Variants in METTL21C observed in about 807,000 individuals in gnomAD.
METTL21C encodes protein-lysine methyltransferase METTL21C.
In METTL21C, 21 loss-of-function variants were observed where a neutral mutation model predicts 25.9. The ratio of observed to expected loss-of-function variants is 0.81; its 90% CI spans 0.58 to 1.17. The LOEUF (loss-of-function observed/expected upper bound fraction) is 1.17. Ranked by LOEUF, METTL21C falls within the 50% of genes most tolerant of loss-of-function variation. The probability of loss-of-function intolerance (pLI) is 0.00; values close to 1 mark genes in which losing one functional copy is unlikely to be tolerated. For missense variants in METTL21C, 312 were observed against 315.1 expected (o/e 0.99, Z 0.07); for synonymous variants, 125 against 124.7 (o/e 1.00, Z -0.01).
chr13:102,692,100 G>A (rs958997391), intron 1 of METTL21C, among the ~76,000 whole-genome samples: 2 of 152,132 alleles, frequency 1.3e-5, no homozygotes, highest in Non-Finnish European at 2.9e-5. Context: ...TGTGGCCTGG[G>A]ATATGACTGT....
the METTL21C span, among the ~76,000 whole-genome samples, chr13:102,701,909 G>A: frequency 0.25 from 38,293 of 151,996 alleles, 6,932 homozygotes; most frequent in African/African-American, 0.51. Context: ...CTCATGCTAT[G>A]ATTCCAGCAC....
chr13:102,696,629 A>G (rs1885950966), upstream of METTL21C, among the ~76,000 whole-genome samples: 1 of 152,188 alleles, frequency 6.6e-6, no homozygotes, highest in Non-Finnish European at 1.5e-5. Context: ...CTGGAGCTAG[A>G]CCACGGTAGA....
upstream of METTL21C, among the ~76,000 whole-genome samples, chr13:102,699,405 G>A (rs572641571): frequency 1.3e-5 from 2 of 152,202 alleles, no homozygotes; most frequent in African/African-American, 4.8e-5. Context: ...TAACTTGATT[G>A]GCTGTTTCAC....
the METTL21C span, among the ~76,000 whole-genome samples, chr13:102,702,535 T>C: frequency 6.6e-6 from 1 of 152,214 alleles, no homozygotes; most frequent in Non-Finnish European, 1.5e-5. Context: ...ACAAACTATT[T>C]GGAACTAATG....
At chr13:102,693,378 C>T (rs1885876716) in intron 1 of METTL21C, among the ~76,000 whole-genome samples, 1 of 152,220 alleles carries the variant, frequency 6.6e-6, no homozygotes, top group East Asian at 1.9e-4. Flanking sequence ...CCGTCGCCAG[C>T]ACACCACTGG....
rs1885816328 is a variant in METTL21C at position 102,690,980 on chromosome 13, A to G, written c.131-16T>C. The G allele has an allele frequency of 1.2e-6, 2 of 1,612,942 alleles. No individual in the cohort carries two copies. The highest frequency in any genetic ancestry group is 4.5e-5 in the East Asian group (2 of 44,876). ...TTGTTGGATTCTGTGAAGCAGAAAA[A>G]TAAAATGGAGTTCATGATTTGTTCA... On this transcript the variant is annotated splice_polypyrimidine_tract_variant and intron_variant, in intron 1 of 3. Coordinates refer to ENST00000267273, the MANE Select transcript of METTL21C (RefSeq NM_001010977.3).
chr13:102,697,419 C>A (rs1391259315), upstream of METTL21C, among the ~76,000 whole-genome samples: 2 of 152,098 alleles, frequency 1.3e-5, no homozygotes, highest in African/African-American at 2.4e-5. Flanking sequence ...CACAGGACAG[C>A]CCCGCACAGC....
chr13:102,687,429 G>C (rs1595242147), intron 2 of METTL21C, among the ~76,000 whole-genome samples: 1 of 152,320 alleles, frequency 6.6e-6, no homozygotes, highest in East Asian at 1.9e-4. Context: ...TTTTATGTTA[G>C]AATTCTTTCT....
chr13:102,686,979 C>T lies in METTL21C; in HGVS notation c.361G>A (p.Ala121Thr). ...FQDAKILEIGAGPGLVSIVAS... is the reference protein window; with the variant it reads ...FQDAKILEIGTGPGLVSIVAS... ...ACAATGGAAACAAGGCCTGGTCCGG[C>T]ACCAATTTCAAGTATTTTTGCATCT... The change falls in exon 3 of 4, where the codon GCC becomes ACC. Residue 121 changes from alanine to threonine, a missense_variant. Physicochemically the swap from Ala to Thr is moderately conservative, Grantham distance 58. Coordinates refer to ENST00000267273, the MANE Select transcript of METTL21C (RefSeq NM_001010977.3). The T allele has an allele frequency of 6.2e-7, 1 of 1,614,134 alleles. No individual in the cohort carries two copies. The highest frequency in any genetic ancestry group is 8.5e-7 in the Non-Finnish European group (1 of 1,180,000).
chr13:102,699,439 T>G (rs969965802), upstream of METTL21C, among the ~76,000 whole-genome samples: 2 of 152,142 alleles, frequency 1.3e-5, no homozygotes, highest in African/African-American at 4.8e-5. Flanking sequence ...GGGCTGCTAT[T>G]CCTGTTCCCA....
intron 2 of METTL21C, among the ~76,000 whole-genome samples, 154 bp from the exon 3 acceptor site, chr13:102,687,211 T>G (rs1885699418): frequency 6.6e-6 from 1 of 152,240 alleles, no homozygotes; most frequent in South Asian, 2.1e-4. Flanking sequence ...AATGCCATAT[T>G]TAGACCTCTG....
upstream of METTL21C, among the ~76,000 whole-genome samples, chr13:102,696,710 T>C (rs1481186204): frequency 1.3e-5 from 2 of 152,120 alleles, no homozygotes; most frequent in African/African-American, 4.8e-5. Flanking sequence ...AGCTTTAACA[T>C]GCGTCAACTC....
the METTL21C span, among the ~76,000 whole-genome samples, chr13:102,701,490 T>A: frequency 6.6e-6 from 1 of 152,186 alleles, no homozygotes; most frequent in Non-Finnish European, 1.5e-5. Context: ...CTGCACCTTC[T>A]CACGGACAAC....
In METTL21C at chr13:102,694,941, G is replaced by A. The variant is rs776746402; in HGVS notation, c.-443C>T. Among the ~76,000 whole-genome samples, 1 of 147,210 alleles carries A rather than the reference G, an allele frequency of 6.8e-6. No individual in the cohort carries two copies. Among genetic ancestry groups the A allele is most frequent in the African/African-American group, 2.6e-5 (1 of 39,212 alleles). On this transcript the variant is annotated 5_prime_UTR_variant, in exon 1 of 4. Transcript: ENST00000267273. ...ACACACACACACACGCACAGTCCTA[G>A]CAACATTCAATGGAATTCCCTTCAA... is the stretch of plus-strand genomic sequence containing the variant.
chr13:102,697,847 G>C (rs1281078732), upstream of METTL21C, among the ~76,000 whole-genome samples: 4 of 152,180 alleles, frequency 2.6e-5, no homozygotes, highest in Admixed American at 6.5e-5. Flanking sequence ...ACCAGCAACA[G>C]GAGCAGGCGA....
chr13:102,688,872 G>A (rs80084884), intron 2 of METTL21C, among the ~76,000 whole-genome samples: 1 of 35,292 alleles, frequency 2.8e-5, no homozygotes, highest in Non-Finnish European at 5.9e-5. Context: ...ACATTCCCCC[G>A]CCAGCCCCTT....
upstream of METTL21C, among the ~76,000 whole-genome samples, chr13:102,697,423 G>T (rs188033647): frequency 6.6e-6 from 1 of 152,054 alleles, no homozygotes; most frequent in South Asian, 2.1e-4. Context: ...GGACAGCCCC[G>T]CACAGCAAAG....
rs553809819 is a variant in METTL21C, at chr13:102,688,433, C to T, written c.283-1376G>A. ...AGGTAAGTGCTGTAGAGGAGGCAGA[C>T]AGCTGGTTGAAGGGAGAGGGGTCAC... On this transcript the variant is annotated intron_variant, in intron 2 of 3. Coordinates refer to ENST00000267273, the MANE Select transcript of METTL21C (RefSeq NM_001010977.3). 7.2e-5 allele frequency among the ~76,000 whole-genome samples: 11 copies of T among 152,296 alleles called. No homozygotes were observed. The South Asian group carries it at 2.3e-3, about 32-fold the overall frequency.
intron 3 of METTL21C, 59 bp downstream of exon 3, chr13:102,686,881 A>C: frequency 7.4e-7 from 1 of 1,344,804 alleles, no homozygotes; most frequent in Non-Finnish European, 1.1e-6. Flanking sequence ...TAGAGTAAGC[A>C]CTTGCTATTG....
Sources: allele counts gnomAD v4.1 joint callset (sites outside exome capture counted in the v4.1 genomes callset), GRCh38; gene constraint gnomAD v4.1.1; transcripts MANE v1.5; gene names NCBI Gene and HGNC (gene_info 2026-07-23, HGNC 2026-07-21).